The following MACF1 variants were observed in gnomAD, a reference collection of about 807,000 sequenced individuals.
The protein encoded by MACF1 is microtubule-actin cross-linking factor 1.
Under a neutral mutation model 854.8 loss-of-function variants are expected in MACF1, and 193 were observed. The ratio of observed to expected loss-of-function variants is 0.23; its 90% CI spans 0.20 to 0.25. The LOEUF (loss-of-function observed/expected upper bound fraction) is 0.25. MACF1 is among the 10% of genes least tolerant of loss of function. The pLI, the probability that MACF1 is intolerant of heterozygous loss-of-function variation, is 1.00. For synonymous variants in MACF1, 3,185 were observed against 3,226.7 expected, an observed-to-expected ratio of 0.99 and a Z score of 0.44; for missense variants, 7,722 against 8,929.1, an observed-to-expected ratio of 0.86 and a Z score of 5.45.
Position 39,433,150 on chromosome 1 carries a change from T to C in MACF1, c.17560T>C (p.Leu5854=), listed in dbSNP as rs746817939. The C allele has an allele frequency of 6.4e-6, 10 of 1,573,204 alleles. No homozygotes were observed. In the East Asian group the frequency reaches 2.0e-4, roughly 32 times the overall value. The part of the protein sequence containing the change: ...GTCGEEQKTV[L]QEKTESLIQQ... ...ATGTGGGGAGGAGCAAAAAACTGTA[T>C]TACAGGTGAATTACATTTATTTATT... Residue 5854 remains leucine, a synonymous_variant, in exon 68 of 101, where the codon TTA becomes CTA. Transcript: ENST00000564288.
chr1:39,434,456 C>A lies in MACF1; in HGVS notation c.17608C>A (p.Leu5870Ile), dbSNP rs1170362213. 4 of 1,612,226 alleles carry A rather than the reference C, an allele frequency of 2.5e-6. No homozygotes were observed. The highest frequency in any genetic ancestry group is 3.3e-5 in the Admixed American group (2 of 59,890). The change falls in exon 69 of 101, where the codon CTA (leucine) becomes ATA (isoleucine). Residue 5870 changes from leucine (L) to isoleucine (I), a missense_variant. Around this residue, in one of 15 missense-constraint regions of MACF1, gnomAD observed 2,807 missense variants for 3,235.8 expected, o/e 0.87. Transcript: ENST00000564288. ...AATACAGCAATATGAAGCCATTAGC[C>A]TACTCAATTCAGAGCGTTATGCCCG... is the stretch of plus-strand genomic sequence containing the variant. ...SLIQQYEAISLLNSERYARLE... is the reference protein window; with the variant it reads ...SLIQQYEAISILNSERYARLE...
chr1:39,269,373 A>G (rs1557554472), intron 6 of MACF1: 1 of 1,289,824 alleles, frequency 7.8e-7, no homozygotes. Context: ...GGAGGAAGGA[A>G]CCAAGAGTGT....
chr1:39,414,241 G>T (rs761671922), intron 58 of MACF1: 2 of 1,614,076 alleles, frequency 1.2e-6, no homozygotes, highest in Admixed American at 3.3e-5. Flanking sequence ...AGCTGCTGCA[G>T]TGCCTCCTAT....
At chr1:39,315,849 A>G (rs1646402025) in intron 27 of MACF1, among the ~76,000 whole-genome samples, 158 bp downstream of exon 27, 1 of 152,204 alleles carries the variant, frequency 6.6e-6, no homozygotes, top group Non-Finnish European at 1.5e-5. Context: ...TAGTAACATT[A>G]AGTAGGTTCA....
At chr1:39,314,559 TCTCTCTCTCTCACA>T (rs1448464117) in intron 26 of MACF1, among the ~76,000 whole-genome samples, 7 of 40,976 alleles carry the variant, frequency 1.7e-4, no homozygotes, top group African/African-American at 2.1e-4. Flanking sequence ...TCTCTCTCTC[TCTCTCTCTCTCACA>T]CACACACACA....
At chr1:39,423,046 A>ACCTTTC in intron 60 of MACF1, 146 bp downstream of exon 60, 1 of 693,248 alleles carries the variant, frequency 1.4e-6, no homozygotes, top group Non-Finnish European at 2.4e-6. Context: ...GTGGAAATTG[A>ACCTTTC]TTTTCATTAT....
Position 39,378,683 on chromosome 1 carries a change from A to G in MACF1, c.13276+160A>G, listed in dbSNP as rs200629626. The stretch of plus-strand genomic sequence containing the variant: ...AGCAACTGTGGTTTGCTGGCTATAG[A>G]CCATAAACAGGTTGGCAGCCCCTGA... On this transcript the variant is annotated intron_variant, in intron 53 of 100. Transcript: ENST00000564288. 1.5e-3 allele frequency among the ~76,000 whole-genome samples: 229 copies of G among 152,346 alleles called. 1 individual carries two copies. The highest frequency in any genetic ancestry group is 5.2e-3 in the African/African-American group (216 of 41,582).
intron 50 of MACF1, among the ~76,000 whole-genome samples, chr1:39,368,750 C>T (rs1266544612): frequency 6.6e-6 from 1 of 152,152 alleles, no homozygotes; most frequent in African/African-American, 2.4e-5. Context: ...GATCGACCTG[C>T]CTCCGCCTCC....
chr1:39,091,899 A>T (rs1641817223), intron 2 of MACF1, among the ~76,000 whole-genome samples: 1 of 152,246 alleles, frequency 6.6e-6, no homozygotes, highest in East Asian at 1.9e-4. Context: ...TTCACTGATT[A>T]CACACTTGCT....
chr1:39,313,946 T>C (rs1031359931), intron 26 of MACF1, among the ~76,000 whole-genome samples: 3 of 152,196 alleles, frequency 2.0e-5, no homozygotes, highest in Non-Finnish European at 4.4e-5. Flanking sequence ...AATAAGATCT[T>C]CCAGGTTCAT....
At chr1:39,141,886 A>G (rs935116509) in intron 2 of MACF1, among the ~76,000 whole-genome samples, 1 of 152,174 alleles carries the variant, frequency 6.6e-6, no homozygotes, top group East Asian at 1.9e-4. Context: ...CAGAATTTAG[A>G]AAGGTTGGAA....
rs767938062 is a variant in MACF1 at position 39,357,695 on chromosome 1, C to T, written c.11745C>T (p.Ser3915=). The T allele has an allele frequency of 1.2e-6, 2 of 1,614,090 alleles. No individual in the cohort carries two copies. Among genetic ancestry groups the T allele is most frequent in the South Asian group, 2.2e-5 (2 of 91,066 alleles). The change falls in exon 45 of 101, where the codon TCC becomes TCT. Residue 3915 remains serine (S), a synonymous_variant. Transcript: ENST00000564288. ...GCAGCAGCCCCGAGACCCTTCCCTC[C>T]CTGCTAAAGCGGCAAGGAAGCTTCT... ...KGGSSPETLP[S]LLKRQGSFSE... is the part of the protein sequence containing the mutation.
At chr1:39,090,750 A>C (rs1641781576) in intron 2 of MACF1, among the ~76,000 whole-genome samples, 1 of 152,194 alleles carries the variant, frequency 6.6e-6, no homozygotes, top group African/African-American at 2.4e-5. Flanking sequence ...TCTCAGTCTC[A>C]TGGGCTCAGG....
chr1:39,428,133 C>T lies in MACF1; in HGVS notation c.16649C>T (p.Ala5550Val). The change falls in exon 63 of 101, where the codon GCC becomes GTC. Residue 5550 changes from alanine (A) to valine (V), a missense_variant. By Grantham distance (64) the Ala-to-Val change is moderately conservative. Around this residue, in one of 15 missense-constraint regions of MACF1, gnomAD observed 2,807 missense variants for 3,235.8 expected, o/e 0.87. Coordinates refer to ENST00000564288, the MANE Select transcript of MACF1 (RefSeq NM_001394062.1). ...CAAGACCGCTGTTGTCGGAAGGCAG[C>T]CCTACTTGACCAAGCTCTGTCTAAT... ...EIQDRCCRKA[A>V]LLDQALSNAR... 1 of 1,614,146 alleles carries T rather than the reference C, an allele frequency of 6.2e-7. No homozygotes were observed. Among genetic ancestry groups the T allele is most frequent in the Non-Finnish European group, 8.5e-7 (1 of 1,180,024 alleles).
chr1:39,099,667 C>T (rs1366133864), intron 2 of MACF1, among the ~76,000 whole-genome samples: 4 of 152,186 alleles, frequency 2.6e-5, no homozygotes, highest in African/African-American at 9.7e-5. Flanking sequence ...TCTCAATTGT[C>T]TTGAATCAGA....
intron 56 of MACF1, among the ~76,000 whole-genome samples, chr1:39,384,290 T>A (rs1266345238): frequency 6.6e-6 from 1 of 152,234 alleles, no homozygotes. Context: ...TAATCATTTT[T>A]ACTTTTGTTA....
At chr1:39,403,858 G>T (rs778302667) in intron 58 of MACF1, among the ~76,000 whole-genome samples, 7 of 151,958 alleles carry the variant, frequency 4.6e-5, no homozygotes, top group Non-Finnish European at 5.9e-5. Flanking sequence ...GCCGGGCTTC[G>T]TGGCTCATGC....
rs761049627 is a variant in MACF1, at chr1:39,334,617, T to G, written c.8029T>G (p.Phe2677Val). 10 of 1,614,072 alleles carry G rather than the reference T, an allele frequency of 6.2e-6. No homozygotes were observed. Among genetic ancestry groups the G allele is most frequent in the Non-Finnish European group, 7.6e-6 (9 of 1,179,990 alleles). ...AGCAATTCAGCTTGGAAAAGTAGACTTTGCATCTACGCTGAAGGTTCTAGA... is the reference window on the plus strand; with the variant it reads ...AGCAATTCAGCTTGGAAAAGTAGACGTTGCATCTACGCTGAAGGTTCTAGA... ...SQAIQLGKVD[F>V]ASTLKVLEAQ... Residue 2677 changes from phenylalanine to valine, a missense_variant, in exon 37 of 101, where the codon TTT becomes GTT. Physicochemically the swap from Phe to Val is conservative, Grantham distance 50. Transcript: ENST00000564288.
At chr1:39,379,488 G>C in intron 54 of MACF1, 44 bp downstream of exon 54, 1 of 1,574,620 alleles carries the variant, frequency 6.4e-7, no homozygotes, top group Non-Finnish European at 8.6e-7. Flanking sequence ...AAGAGGAAGA[G>C]ACAGCTGTAC....
Sources: allele counts gnomAD v4.1 joint callset (sites outside exome capture counted in the v4.1 genomes callset), GRCh38; gene constraint gnomAD v4.1.1; regional missense constraint gnomAD v4.1.1; transcripts MANE v1.5; gene names NCBI Gene and HGNC (gene_info 2026-07-23, HGNC 2026-07-21).